ZNF565: variants seen among roughly 807,000 people sequenced by gnomAD.
ZNF565 encodes the protein zinc finger protein 565.
In ZNF565, 27 loss-of-function variants were observed where a neutral mutation model predicts 39.4. The observed-to-expected ratio is 0.69, with a 90% CI of 0.51 to 0.95. ZNF565 has a LOEUF of 0.95. Among genes scored for constraint, ZNF565 ranks in the 40% least tolerant of loss-of-function variants. ZNF565 has a pLI of 0.00. For synonymous variants in ZNF565, 185 were observed against 216.6 expected (o/e 0.85, Z 1.28); for missense variants, 524 against 621.1 (o/e 0.84, Z 1.66).
At position 36,183,003 on chromosome 19, in the gene ZNF565, C is replaced by G; in HGVS notation, c.963G>C (p.Gln321His). The G allele has an allele frequency of 6.2e-7, 1 of 1,614,016 alleles. No individual in the cohort carries two copies. The highest frequency in any genetic ancestry group is 8.5e-7 in the Non-Finnish European group (1 of 1,179,988). ...ECGKAFRQHS[Q>H]LTVHQRIHTG... ...TGTGGATTCGCTGGTGTACAGTCAGCTGTGAGTGCTGTCTAAAGGCTTTCC... is the reference window on the plus strand; with the variant it reads ...TGTGGATTCGCTGGTGTACAGTCAGGTGTGAGTGCTGTCTAAAGGCTTTCC... Residue 321 changes from glutamine to histidine, a missense_variant, in exon 5 of 5, where the codon CAG (glutamine) becomes CAC (histidine). By Grantham distance (24) the Gln-to-His change is conservative. Coordinates refer to ENST00000304116, the MANE Select transcript of ZNF565 (RefSeq NM_152477.5).
chr19:36,207,907 C>T (rs994202709), intron 1 of ZNF565, among the ~76,000 whole-genome samples: 1 of 152,160 alleles, frequency 6.6e-6, no homozygotes, highest in Non-Finnish European at 1.5e-5. Context: ...TGCTGATCCA[C>T]ACTGGACATG....
intron 1 of ZNF565, among the ~76,000 whole-genome samples, chr19:36,212,552 G>A (rs184346308): frequency 1.3e-5 from 2 of 152,180 alleles, no homozygotes; most frequent in Non-Finnish European, 2.9e-5. Flanking sequence ...AGCCTGCGAG[G>A]TGGAGGTTGC....
At position 36,183,226 on chromosome 19, in the gene ZNF565, C is replaced by A. The variant is rs901859194; in HGVS notation, c.740G>T (p.Gly247Val). 6 of 1,614,008 alleles carry A rather than the reference C, an allele frequency of 3.7e-6. No homozygotes were observed. In the African/African-American group the frequency reaches 5.3e-5, roughly 14 times the overall value. Residue 247 changes from glycine (G) to valine (V), a missense_variant, in exon 5 of 5, where the codon GGT becomes GTT. By Grantham distance (109) the Gly-to-Val change is moderately radical (BLOSUM62 -3). Coordinates refer to ENST00000304116, the MANE Select transcript of ZNF565 (RefSeq NM_152477.5). ...TTCTTTACATTCATAAGGTTTGACA[C>A]CAGTATGAAGTCTCTGATGTAGAAT... ...ELILHQRLHT[G>V]VKPYECKECG...
chr19:36,202,449 AAAGT>A (rs1479763830), intron 1 of ZNF565, among the ~76,000 whole-genome samples: 1 of 152,160 alleles, frequency 6.6e-6, no homozygotes, highest in African/African-American at 2.4e-5. Flanking sequence ...CCCTTCCTAA[AAAGT>A]AAGGAACCCA....
chr19:36,186,157 C>T (rs556681648), intron 4 of ZNF565, among the ~76,000 whole-genome samples: 39 of 152,202 alleles, frequency 2.6e-4, no homozygotes, highest in Admixed American at 4.6e-4. Flanking sequence ...CTGCCACGCC[C>T]GGCCAATTTT....
chr19:36,207,283 C>G (rs1346497287), intron 1 of ZNF565, among the ~76,000 whole-genome samples: 1 of 152,158 alleles, frequency 6.6e-6, no homozygotes, highest in African/African-American at 2.4e-5. Flanking sequence ...GTGGCTCACG[C>G]CTGTAATCCT....
chr19:36,190,660 C>T (rs1276393855), intron 4 of ZNF565, among the ~76,000 whole-genome samples: 3 of 150,636 alleles, frequency 2.0e-5, no homozygotes, highest in African/African-American at 7.3e-5. Context: ...TCTGGGTGGA[C>T]ACAATGTATT....
intron 4 of ZNF565, among the ~76,000 whole-genome samples, chr19:36,185,000 C>T (rs532358482): frequency 6.6e-6 from 1 of 151,906 alleles, no homozygotes; most frequent in East Asian, 1.9e-4. Flanking sequence ...CGCCTATAAT[C>T]CCAGCTGCTT....
intron 1 of ZNF565, among the ~76,000 whole-genome samples, chr19:36,223,291 C>T (rs937091412): frequency 4.0e-5 from 6 of 150,290 alleles, no homozygotes; most frequent in Admixed American, 1.3e-4. Flanking sequence ...TTGTGGTGCA[C>T]GAGATCACAC....
At chr19:36,209,913 T>C (rs1412114528) in intron 1 of ZNF565, among the ~76,000 whole-genome samples, 3 of 151,732 alleles carry the variant, frequency 2.0e-5, no homozygotes, top group Non-Finnish European at 4.4e-5. Flanking sequence ...AATAAATAAA[T>C]TATATTATGG....
intron 4 of ZNF565, among the ~76,000 whole-genome samples, chr19:36,190,272 T>C (rs1048649274): frequency 1.1e-4 from 17 of 151,658 alleles, no homozygotes; most frequent in African/African-American, 4.1e-4. Context: ...GCAAGGGGAG[T>C]TGGAATTCAG....
chr19:36,220,949 TTC>T (rs1384053490), intron 1 of ZNF565, among the ~76,000 whole-genome samples: 1 of 151,934 alleles, frequency 6.6e-6, no homozygotes, highest in Non-Finnish European at 1.5e-5. Context: ...GCCTCCCCAG[TTC>T]CAGCGATTCT....
At chr19:36,205,096 G>A (rs1976102852) in intron 1 of ZNF565, among the ~76,000 whole-genome samples, 1 of 152,170 alleles carries the variant, frequency 6.6e-6, no homozygotes, top group Admixed American at 6.6e-5. Context: ...GTGTCTGGAG[G>A]ACATAGGTGA....
chr19:36,182,777 C>T lies in ZNF565; in HGVS notation c.1189G>A (p.Gly397Arg), dbSNP rs778012366. The change falls in exon 5 of 5, where the codon GGG (glycine) becomes AGG (arginine). Residue 397 changes from glycine to arginine, a missense_variant. Physicochemically the swap from Gly to Arg is moderately radical, Grantham distance 125. Coordinates refer to ENST00000304116, the MANE Select transcript of ZNF565 (RefSeq NM_152477.5). ...TATGAGCTACGACTAAATGCCTTCC[C>T]GCAGTCCTTACATTCATAGGGTCTG... ...GDRPYECKDC[G>R]KAFSRSSYLI... 14 of 1,613,976 alleles carry T rather than the reference C, an allele frequency of 8.7e-6. No homozygotes were observed. Among genetic ancestry groups the T allele is most frequent in the African/African-American group, 1.3e-5 (1 of 74,892 alleles).
At chr19:36,221,201 A>G (rs1175104435) in intron 1 of ZNF565, among the ~76,000 whole-genome samples, 1 of 151,250 alleles carries the variant, frequency 6.6e-6, no homozygotes, top group Non-Finnish European at 1.5e-5. Context: ...TTCTAAAGTC[A>G]TTTGAAATCG....
chr19:36,227,807 G>A (rs890696539), intron 1 of ZNF565, among the ~76,000 whole-genome samples: 3 of 152,152 alleles, frequency 2.0e-5, no homozygotes, highest in Non-Finnish European at 2.9e-5. Context: ...ACCCACTTCC[G>A]GCCTCCCGAA....
Position 36,183,681 on chromosome 19 carries a change from C to T in ZNF565, c.285G>A (p.Gly95=), listed in dbSNP as rs747995962. Residue 95 remains glycine (G), a synonymous_variant, in exon 5 of 5, where the codon GGG becomes GGA. Coordinates refer to ENST00000304116, the MANE Select transcript of ZNF565 (RefSeq NM_152477.5). ...KFLQKDIFEI[G]AFNWEIMESL... ...TTTCCATTATCTCCCAGTTGAATGC[C>T]CCGATTTCAAAAATGTCTTTTTGTA... The T allele has an allele frequency of 1.1e-5, 18 of 1,612,244 alleles. No homozygotes were observed. The highest frequency in any genetic ancestry group is 1.5e-5 in the Non-Finnish European group (18 of 1,179,292).
intron 1 of ZNF565, among the ~76,000 whole-genome samples, chr19:36,234,452 A>G (rs570360330): frequency 6.6e-6 from 1 of 152,296 alleles, no homozygotes; most frequent in Middle Eastern, 3.4e-3. Flanking sequence ...TACCCAGTCT[A>G]TGTTCACATT....
chr19:36,187,751 C>T (rs540009332), intron 4 of ZNF565, among the ~76,000 whole-genome samples: 2 of 152,038 alleles, frequency 1.3e-5, no homozygotes, highest in South Asian at 2.1e-4. Flanking sequence ...GATTCTCCTG[C>T]CTCAGCCTCC....
Sources: gnomAD v4.1 joint callset for allele counts (sites outside exome capture counted in the v4.1 genomes callset) on GRCh38, gnomAD v4.1.1 for gene constraint, MANE v1.5 for transcripts, NCBI Gene and HGNC (gene_info 2026-07-23, HGNC 2026-07-21) for gene names.